NR3C1: variants seen among roughly 807,000 people sequenced by gnomAD.
NR3C1 encodes nuclear receptor subfamily 3 group C member 1, also known as glucocorticoid receptor.
NR3C1 carries 14 observed loss-of-function variants against 74.0 expected under a neutral mutation model. That is an observed-to-expected ratio of 0.19 (90% CI 0.12 to 0.30). The LOEUF (loss-of-function observed/expected upper bound fraction) is 0.30. Among genes scored for constraint, NR3C1 ranks in the 10% least tolerant of loss-of-function variants. The pLI, the probability that NR3C1 is intolerant of heterozygous loss-of-function variation, is 1.00. For missense variants in NR3C1, 695 were observed against 909.8 expected, an observed-to-expected ratio of 0.76 and a Z score of 3.04; for synonymous variants, 308 against 332.5, an observed-to-expected ratio of 0.93 and a Z score of 0.80.
chr5:143,305,745 G>C (rs1819462335), intron 4 of NR3C1, among the ~76,000 whole-genome samples: 1 of 152,128 alleles, frequency 6.6e-6, no homozygotes. Flanking sequence ...GGGGGATAGA[G>C]GAAGGGAGGC....
At position 143,348,085 on chromosome 5, in the gene NR3C1, G is replaced by A. The variant is rs1340838391; in HGVS notation, c.1185-33917C>T. ...CTTCAGTATTCATCTCAGCTCTCTGGGCCTCCAAGGTTTCTTGAGCATTCT... is the reference window on the plus strand; with the variant it reads ...CTTCAGTATTCATCTCAGCTCTCTGAGCCTCCAAGGTTTCTTGAGCATTCT... On this transcript the variant is annotated intron_variant, in intron 2 of 8. Transcript: ENST00000394464. Among the ~76,000 whole-genome samples the A allele has an allele frequency of 2.6e-5, 4 of 152,068 alleles. No homozygotes were observed. In the South Asian group the frequency reaches 6.2e-4, roughly 24 times the overall value.
At chr5:143,313,248 G>T (rs896570094) in intron 3 of NR3C1, among the ~76,000 whole-genome samples, 3 of 152,140 alleles carry the variant, frequency 2.0e-5, no homozygotes, top group African/African-American at 7.2e-5. Flanking sequence ...TAATAAATTT[G>T]CTATGGAATG....
chr5:143,424,161 AT>A (rs1751403162), intron 1 of NR3C1, among the ~76,000 whole-genome samples: 1 of 152,040 alleles, frequency 6.6e-6, no homozygotes, highest in Non-Finnish European at 1.5e-5. Context: ...ATGTATACAT[AT>A]GTAACTAACC....
At chr5:143,326,269 T>C (rs1824584145) in intron 2 of NR3C1, among the ~76,000 whole-genome samples, 1 of 152,226 alleles carries the variant, frequency 6.6e-6, no homozygotes, top group Non-Finnish European at 1.5e-5. Context: ...TTTTTAAGAT[T>C]ATGTGGGTCA....
chr5:143,403,188 C>G, intron 1 of NR3C1, 23 bp downstream of exon 1: 3 of 985,066 alleles, frequency 3.0e-6, no homozygotes, highest in Non-Finnish European at 3.6e-6. Context: ...CGCGCCCCGG[C>G]CCCCTCCCGC....
At chr5:143,417,816 A>C (rs919369677) in intron 1 of NR3C1, among the ~76,000 whole-genome samples, 1 of 152,188 alleles carries the variant, frequency 6.6e-6, no homozygotes, top group African/African-American at 2.4e-5. Flanking sequence ...ACTGGCTGGA[A>C]ATTTTCACTA....
intron 4 of NR3C1, among the ~76,000 whole-genome samples, chr5:143,308,393 G>A (rs1820121181): frequency 1.3e-5 from 2 of 152,170 alleles, no homozygotes; most frequent in South Asian, 2.1e-4. Context: ...GAGTCTAGGA[G>A]TTCAAGGCTG....
At chr5:143,421,817 C>A (rs1195653093) in intron 1 of NR3C1, among the ~76,000 whole-genome samples, 1 of 151,974 alleles carries the variant, frequency 6.6e-6, no homozygotes, top group Non-Finnish European at 1.5e-5. Flanking sequence ...TAGCCTGGCA[C>A]ATAATAAGCA....
chr5:143,379,181 C>T (rs561756261), intron 2 of NR3C1, among the ~76,000 whole-genome samples: 1 of 152,320 alleles, frequency 6.6e-6, no homozygotes, highest in African/African-American at 2.4e-5. Flanking sequence ...AAGGAAGACA[C>T]TGAGTCTTAC....
chr5:143,402,887 G>A (rs1433402996), intron 1 of NR3C1: 2 of 955,894 alleles, frequency 2.1e-6, no homozygotes, highest in African/African-American at 3.5e-5. Flanking sequence ...ACACTAGGGG[G>A]AGAAAAGAGG....
intron 2 of NR3C1, among the ~76,000 whole-genome samples, chr5:143,394,520 A>T (rs1838846208): frequency 6.6e-6 from 1 of 152,068 alleles, no homozygotes; most frequent in Non-Finnish European, 1.5e-5. Flanking sequence ...GATTATATCA[A>T]CATTAAGACA....
In NR3C1 at chr5:143,400,665, G is replaced by T. The variant is rs781064223; in HGVS notation, c.175C>A (p.Arg59=). ...TTTGGAAAATCAACCAAAAGTCTTC[G>T]CTGCTTGGAGTCTGATTGAGAAGCG... ...AVASQSDSKQ[R]RLLVDFPKGS... Residue 59 remains arginine, a synonymous_variant, in exon 2 of 9, where the codon CGA becomes AGA. Transcript: ENST00000394464. 3.7e-6 allele frequency: 6 copies of T among 1,613,864 alleles called. No homozygotes were observed. Among genetic ancestry groups the T allele is most frequent in the Non-Finnish European group, 5.1e-6 (6 of 1,179,868 alleles).
chr5:143,391,053 C>A (rs1255533054), intron 2 of NR3C1, among the ~76,000 whole-genome samples: 4 of 151,914 alleles, frequency 2.6e-5, no homozygotes, highest in Non-Finnish European at 5.9e-5. Context: ...AAAAAAAAAA[C>A]TCAATCTATT....
At chr5:143,405,530 A>G (rs1320847703), upstream of NR3C1, among the ~76,000 whole-genome samples, 2 of 152,144 alleles carry the variant, frequency 1.3e-5, no homozygotes, top group Non-Finnish European at 1.5e-5. Context: ...CTCAAGGGTA[A>G]ACGGTTCCCT....
chr5:143,331,480 T>C (rs531482692), intron 2 of NR3C1, among the ~76,000 whole-genome samples: 1 of 152,268 alleles, frequency 6.6e-6, no homozygotes, highest in East Asian at 1.9e-4. Flanking sequence ...GACGCATGCA[T>C]GTGTATGTTC....
rs1251212030 is a variant in NR3C1 at position 143,400,040 on chromosome 5, C to A, written c.800G>T (p.Ser267Ile). The A allele has an allele frequency of 6.2e-7, 1 of 1,614,164 alleles. No homozygotes were observed. Among genetic ancestry groups the A allele is most frequent in the African/African-American group, 1.3e-5 (1 of 75,032 alleles). The change falls in exon 2 of 9, where the codon AGC becomes ATC. Residue 267 changes from serine (S) to isoleucine (I), a missense_variant. Physicochemically the swap from Ser to Ile is moderately radical, Grantham distance 142. Transcript: ENST00000394464. ...IKDNGDLVLS[S>I]PSNVTLPQVK... ...TTGGGGCAGTGTTACATTACTGGGG[C>A]TTGACAAAACCAGATCTCCATTATC...
At position 143,313,762 on chromosome 5, in the gene NR3C1, T is replaced by A. The variant is rs10482668; in HGVS notation, c.1351+240A>T. Among the ~76,000 whole-genome samples, 649 of 152,244 alleles carry A rather than the reference T, an allele frequency of 4.3e-3. 2 individuals carry two copies. The highest frequency in any genetic ancestry group is 5.7e-3 in the Non-Finnish European group (386 of 67,992). ...ATAGCACTTTCTTATAGTGTTACCT[T>A]ATGCTCCCTGACCAAACTCCCAGAC... On this transcript the variant is annotated intron_variant, in intron 3 of 8. Coordinates refer to ENST00000394464, the MANE Select transcript of NR3C1 (RefSeq NM_000176.3).
chr5:143,386,297 A>G (rs1837206821), intron 2 of NR3C1, among the ~76,000 whole-genome samples: 1 of 152,212 alleles, frequency 6.6e-6, no homozygotes, highest in Non-Finnish European at 1.5e-5. Flanking sequence ...GAGCCAAACC[A>G]TAGCATTTAT....
At chr5:143,416,676 T>C (rs756167923) in intron 1 of NR3C1, among the ~76,000 whole-genome samples, 3 of 152,082 alleles carry the variant, frequency 2.0e-5, no homozygotes. Context: ...GTCTAAAACA[T>C]GGGGGTGTTG....
Sources: gnomAD v4.1 joint callset for allele counts (sites outside exome capture counted in the v4.1 genomes callset) on GRCh38, gnomAD v4.1.1 for gene constraint, MANE v1.5 for transcripts, NCBI Gene and HGNC (gene_info 2026-07-23, HGNC 2026-07-21) for gene names.